CHKA: variants seen among roughly 807,000 people sequenced by gnomAD.
The protein encoded by CHKA is CHETK-alpha.
Under a neutral mutation model 60.1 loss-of-function variants are expected in CHKA, and 34 were observed. The observed-to-expected ratio is 0.57, with a 90% CI of 0.43 to 0.75. The LOEUF is 0.75. Among genes scored for constraint, CHKA ranks in the 30% least tolerant of loss-of-function variants. The pLI is 0.00. For synonymous variants in CHKA, 217 were observed against 223.1 expected (o/e 0.97, Z 0.24); for missense variants, 563 against 561.3 (o/e 1.00, Z -0.03).
chr11:68,101,110 G>A lies in CHKA; in HGVS notation c.351-3980C>T, dbSNP rs149806412. On this transcript the variant is annotated intron_variant, in intron 1 of 11. Transcript: ENST00000265689. ...CTACAGGCGCCCACCACCACACCGG[G>A]CTAATTTTTTTGTATTTTTAGTAGA... Among the ~76,000 whole-genome samples the A allele has an allele frequency of 3.3e-3, 496 of 151,820 alleles. 8 individuals carry two copies. The East Asian group carries it at 0.033, about 10-fold the overall frequency.
At chr11:68,055,750 T>C (rs1198092368) in intron 11 of CHKA, among the ~76,000 whole-genome samples, 2 of 151,860 alleles carry the variant, frequency 1.3e-5, no homozygotes, top group African/African-American at 4.8e-5. Context: ...CATCCATTTA[T>C]AAAGCAGGCT....
intron 1 of CHKA, among the ~76,000 whole-genome samples, chr11:68,103,840 G>A (rs1857813246): frequency 6.7e-6 from 1 of 149,738 alleles, no homozygotes; most frequent in Non-Finnish European, 1.5e-5. Context: ...CTTGAACCCG[G>A]GAGGCAGTGT....
In CHKA at chr11:68,064,590, G is replaced by C; in HGVS notation, c.1167C>G (p.Asp389Glu). 1 of 1,597,706 alleles carries C rather than the reference G, an allele frequency of 6.3e-7. No homozygotes were observed. Among genetic ancestry groups the C allele is most frequent in the African/African-American group, 1.3e-5 (1 of 74,202 alleles). Residue 389 changes from aspartate (D) to glutamate (E), a missense_variant, in exon 10 of 12, where the codon GAC becomes GAG. Coordinates refer to ENST00000265689, the MANE Select transcript of CHKA (RefSeq NM_001277.3). The stretch of plus-strand genomic sequence containing the variant: ...TTTCTTCAGTACTGAGGTTTTCAAA[G>C]TCATTTTGGAATGCAGGCAAGTAAC... ...ISSYLPAFQN[D>E]FENLSTEEKS... is the part of the protein sequence containing the mutation.
intron 1 of CHKA, among the ~76,000 whole-genome samples, chr11:68,117,548 A>T (rs1858439057): frequency 1.3e-5 from 2 of 152,082 alleles, no homozygotes; most frequent in South Asian, 4.2e-4. Flanking sequence ...AATTAGCCGG[A>T]TGTGGTGGTG....
chr11:68,092,776 T>G (rs866073113), intron 2 of CHKA, among the ~76,000 whole-genome samples: 3 of 152,296 alleles, frequency 2.0e-5, no homozygotes, highest in African/African-American at 2.4e-5. Flanking sequence ...ACTCTGAGAC[T>G]CTAGGCTTCA....
chr11:68,108,608 G>A (rs941004513), intron 1 of CHKA, among the ~76,000 whole-genome samples: 1 of 152,172 alleles, frequency 6.6e-6, no homozygotes, highest in African/African-American at 2.4e-5. Context: ...GCCTGGCGTG[G>A]TGGCGGGCGC....
Position 68,097,010 on chromosome 11 carries a change from C to T in CHKA, c.462+9G>A. The T allele has an allele frequency of 1.2e-6, 2 of 1,603,922 alleles. No individual in the cohort carries two copies. Among genetic ancestry groups the T allele is most frequent in the Non-Finnish European group, 1.7e-6 (2 of 1,172,654 alleles). ...GATCCCCCCCTCCCAAAGTAGCCTA[C>T]CAACTCACCATCTGCAAAATCGCTC... On this transcript the variant is annotated intron_variant, in intron 2 of 11. Transcript: ENST00000265689.
In CHKA at chr11:68,053,582, G is replaced by A. The variant is rs1182429045; in HGVS notation, c.*406C>T. The A allele has an allele frequency of 5.4e-6, 1 of 186,644 alleles. No homozygotes were observed. Among genetic ancestry groups the A allele is most frequent in the Non-Finnish European group, 1.1e-5 (1 of 88,840 alleles). The allele number at this position is 186,644 out of a possible 1,614,324, so 11.6% of individuals were successfully genotyped here. A position where few individuals can be genotyped will look rare whatever the true frequency, so the allele number is the denominator to read the frequency against. On this transcript the variant is annotated 3_prime_UTR_variant, in exon 12 of 12. Coordinates refer to ENST00000265689, the MANE Select transcript of CHKA (RefSeq NM_001277.3). ...CTATAACACATCGCCATCTACAAAA[G>A]CCTGGTCACAGTGTTCACCAGCACA...
chr11:68,061,919 G>GAAA (rs756537958), intron 11 of CHKA, 34 bp downstream of exon 11: 6 of 1,098,216 alleles, frequency 5.5e-6, no homozygotes, highest in East Asian at 3.2e-5. Flanking sequence ...GGAGTAGGAA[G>GAAA]AAAAAAAAAA....
At chr11:68,083,023 G>A (rs575917217) in intron 2 of CHKA, among the ~76,000 whole-genome samples, 166 of 152,292 alleles carry the variant, frequency 1.1e-3, no homozygotes, top group African/African-American at 3.8e-3. Context: ...AAACACTCTC[G>A]TGGCCGCATC....
At chr11:68,088,883 A>G (rs1029905663) in intron 2 of CHKA, among the ~76,000 whole-genome samples, 2 of 152,280 alleles carry the variant, frequency 1.3e-5, no homozygotes, top group East Asian at 3.9e-4. Context: ...TACAGAACAC[A>G]TTAAAATGTG....
chr11:68,067,879 G>A (rs897991964), intron 7 of CHKA, among the ~76,000 whole-genome samples: 8 of 152,206 alleles, frequency 5.3e-5, no homozygotes, highest in African/African-American at 1.7e-4. Flanking sequence ...TATGGATGAC[G>A]AGTCTTCATG....
intron 1 of CHKA, among the ~76,000 whole-genome samples, chr11:68,098,271 CAAAAAA>C (rs57972693): frequency 0.59 from 71,546 of 120,696 alleles, 19,224 homozygotes; most frequent in Middle Eastern, 0.73. Context: ...ACTCCTATCT[CAAAAAA>C]AAAAAAAAAA....
chr11:68,118,747 G>A (rs1858490747), intron 1 of CHKA, among the ~76,000 whole-genome samples: 1 of 152,146 alleles, frequency 6.6e-6, no homozygotes, highest in African/African-American at 2.4e-5. Flanking sequence ...CAATCCAAAA[G>A]GAAAGCTGTG....
In CHKA at chr11:68,084,005, G is replaced by A. The variant is rs537103867; in HGVS notation, c.463-2548C>T. Among the ~76,000 whole-genome samples the A allele has an allele frequency of 7.9e-5, 12 of 152,196 alleles. No individual in the cohort carries two copies. In the South Asian group the frequency reaches 1.5e-3, roughly 18 times the overall value. ...CATGCCTGTAATCCCAGCACTTTGGGAGGCTGAGGCAGGTGGATCATCTCA... is the reference window on the plus strand; with the variant it reads ...CATGCCTGTAATCCCAGCACTTTGGAAGGCTGAGGCAGGTGGATCATCTCA... On this transcript the variant is annotated intron_variant, in intron 2 of 11. Coordinates refer to ENST00000265689, the MANE Select transcript of CHKA (RefSeq NM_001277.3).
intron 1 of CHKA, among the ~76,000 whole-genome samples, chr11:68,101,294 A>G (rs962696680): frequency 1.3e-5 from 2 of 152,138 alleles, no homozygotes; most frequent in African/African-American, 4.8e-5. Flanking sequence ...GAAATGAATC[A>G]TTTCAGCTTC....
chr11:68,103,374 A>T (rs1183899466), intron 1 of CHKA, among the ~76,000 whole-genome samples: 2 of 151,864 alleles, frequency 1.3e-5, no homozygotes, highest in Non-Finnish European at 2.9e-5. Context: ...TAAAAAAAAT[A>T]AAATAAATGG....
intron 4 of CHKA, among the ~76,000 whole-genome samples, chr11:68,072,776 G>A (rs1202849653): frequency 1.3e-5 from 2 of 152,000 alleles, no homozygotes; most frequent in African/African-American, 4.8e-5. Context: ...AGAAGAGCTT[G>A]AAGCCAGGAG....
chr11:68,059,154 CAA>C (rs1258205129), intron 11 of CHKA, among the ~76,000 whole-genome samples: 1 of 152,176 alleles, frequency 6.6e-6, no homozygotes, highest in East Asian at 1.9e-4. Context: ...CCTGGCCTCC[CAA>C]AGTGTTGGGA....
Sources: gnomAD v4.1 joint callset for allele counts (sites outside exome capture counted in the v4.1 genomes callset) on GRCh38, gnomAD v4.1.1 for gene constraint, MANE v1.5 for transcripts, NCBI Gene and HGNC (gene_info 2026-07-23, HGNC 2026-07-21) for gene names.